The following ARHGEF28 variants were observed in gnomAD, a reference collection of about 807,000 sequenced individuals.
The protein encoded by ARHGEF28 is 190 kDa guanine nucleotide exchange factor.
Under a neutral mutation model 206.6 loss-of-function variants are expected in ARHGEF28, and 152 were observed. The observed-to-expected ratio is 0.74, with a 90% CI of 0.64 to 0.84. The LOEUF (loss-of-function observed/expected upper bound fraction) is 0.84. Among genes scored for constraint, ARHGEF28 ranks in the 40% least tolerant of loss-of-function variants. The pLI is 0.00. For missense variants in ARHGEF28, 2,028 were observed against 2,073.2 expected, an observed-to-expected ratio of 0.98 and a Z score of 0.42; for synonymous variants, 763 against 776.4, an observed-to-expected ratio of 0.98 and a Z score of 0.29.
In ARHGEF28 at chr5:73,806,218, C is replaced by T. The variant is rs115582513; in HGVS notation, c.1024+10827C>T. Among the ~76,000 whole-genome samples, 557 of 139,170 alleles carry T rather than the reference C, an allele frequency of 4.0e-3. 12 individuals carry two copies. Among genetic ancestry groups the T allele is most frequent in the African/African-American group, 0.014 (535 of 36,902 alleles). 91.3% of individuals were successfully genotyped at this position (139,170 alleles called of 152,430 possible). On this transcript the variant is annotated intron_variant, in intron 9 of 35. Coordinates refer to ENST00000513042, the MANE Select transcript of ARHGEF28 (RefSeq NM_001177693.2). ...GTATATATCGATATGTACTATATAT[C>T]GATATATAGTACATATCAATATATA...
chr5:73,866,586 G>A (rs989062448), intron 18 of ARHGEF28, among the ~76,000 whole-genome samples: 2 of 152,110 alleles, frequency 1.3e-5, no homozygotes, highest in Non-Finnish European at 2.9e-5. Flanking sequence ...AGCTCCTTTA[G>A]AATGACCGTG....
In ARHGEF28 at chr5:73,723,811, A is replaced by G. The variant is rs149615458; in HGVS notation, c.34-26026A>G. Among the ~76,000 whole-genome samples, 15 of 152,308 alleles carry G rather than the reference A, an allele frequency of 9.8e-5. No homozygotes were observed. The East Asian group carries it at 2.7e-3, about 27-fold the overall frequency. ...TTGAGCAAAATGAATTGGCCTTGTG[A>G]CTATTTATCCATGCATTAATTGGTC... On this transcript the variant is annotated intron_variant, in intron 2 of 35. Transcript: ENST00000513042.
At chr5:73,852,840 G>A in intron 14 of ARHGEF28, 148 bp downstream of exon 14, 2 of 830,104 alleles carry the variant, frequency 2.4e-6, no homozygotes, top group Non-Finnish European at 2.0e-6. Flanking sequence ...TCTGGGATCT[G>A]TATCAGGATA....
At chr5:73,744,660 T>C (rs915957263) in intron 2 of ARHGEF28, among the ~76,000 whole-genome samples, 5 of 152,014 alleles carry the variant, frequency 3.3e-5, no homozygotes, top group African/African-American at 7.2e-5. Context: ...TTAGTAAACA[T>C]TGATTATAAT....
chr5:73,710,122 A>T (rs1749155791), intron 2 of ARHGEF28, among the ~76,000 whole-genome samples: 2 of 152,228 alleles, frequency 1.3e-5, no homozygotes, highest in South Asian at 4.1e-4. Context: ...TTAATTTTAT[A>T]AAAAACTGCA....
At chr5:73,787,611 G>A (rs980421881) in intron 7 of ARHGEF28, among the ~76,000 whole-genome samples, 7 of 152,084 alleles carry the variant, frequency 4.6e-5, no homozygotes, top group Non-Finnish European at 7.4e-5. Flanking sequence ...TCCCACTTAC[G>A]AGTGAGAACT....
intron 1 of ARHGEF28, among the ~76,000 whole-genome samples, chr5:73,639,443 TA>T (rs1342301858): frequency 2.6e-5 from 4 of 151,738 alleles, no homozygotes; most frequent in South Asian, 2.1e-4. Flanking sequence ...TTTTGGCTAG[TA>T]AAAAAATGTG....
intron 1 of ARHGEF28, among the ~76,000 whole-genome samples, chr5:73,628,865 A>G (rs571518604): frequency 2.0e-5 from 3 of 152,308 alleles, no homozygotes; most frequent in Non-Finnish European, 2.9e-5. Flanking sequence ...ATTTTGCTCC[A>G]TTTGTATGAT....
chr5:73,864,372 A>AT (rs1188839276), intron 16 of ARHGEF28, among the ~76,000 whole-genome samples: 1 of 151,850 alleles, frequency 6.6e-6, no homozygotes, highest in Admixed American at 6.6e-5. Context: ...CTCACAATAC[A>AT]TTTTTTTCAG....
chr5:73,844,574 C>G (rs1468049773), intron 11 of ARHGEF28, among the ~76,000 whole-genome samples: 1 of 149,742 alleles, frequency 6.7e-6, no homozygotes, highest in Non-Finnish European at 1.5e-5. Context: ...TTTAAATAAC[C>G]TAAACAGGTT....
At chr5:73,839,775 C>T (rs1423778108) in intron 10 of ARHGEF28, among the ~76,000 whole-genome samples, 1 of 152,126 alleles carries the variant, frequency 6.6e-6, no homozygotes, top group African/African-American at 2.4e-5. Flanking sequence ...GAAATTTGGG[C>T]ATTTTCTTTC....
In ARHGEF28 at chr5:73,776,678, T is replaced by G; in HGVS notation, c.822T>G (p.Asp274Glu). The G allele has an allele frequency of 1.2e-6, 2 of 1,613,308 alleles. No individual in the cohort carries two copies. Among genetic ancestry groups the G allele is most frequent in the Non-Finnish European group, 1.7e-6 (2 of 1,179,464 alleles). Residue 274 changes from aspartate to glutamate, a missense_variant, in exon 6 of 36, where the codon GAT becomes GAG. Coordinates refer to ENST00000513042, the MANE Select transcript of ARHGEF28 (RefSeq NM_001177693.2). ...AACTCTTCCGGAAATACTTTTGGGA[T>G]AGAGCCTTTCTTGTCAAGGTTTGTA... The part of the protein sequence containing the change: ...DIKLFRKYFW[D>E]RAFLVKAFEP...
intron 4 of ARHGEF28, among the ~76,000 whole-genome samples, chr5:73,768,781 C>T (rs1349070357): frequency 6.6e-6 from 1 of 151,798 alleles, no homozygotes; most frequent in Non-Finnish European, 1.5e-5. Context: ...TTGGGAGGGG[C>T]CAGGGGAAGA....
intron 15 of ARHGEF28, 120 bp downstream of exon 15, chr5:73,857,899 C>G (rs1759150126): frequency 1.4e-6 from 2 of 1,396,130 alleles, no homozygotes; most frequent in Middle Eastern, 2.7e-4. Context: ...ACACATATTT[C>G]TTATGGAATA....
At chr5:73,860,165 T>C (rs1341866083) in intron 16 of ARHGEF28, among the ~76,000 whole-genome samples, 1 of 152,214 alleles carries the variant, frequency 6.6e-6, no homozygotes, top group African/African-American at 2.4e-5. Flanking sequence ...AAATTAGTTC[T>C]TGGGCACTTG....
chr5:73,762,203 C>A (rs990828182), intron 4 of ARHGEF28, among the ~76,000 whole-genome samples: 2 of 151,912 alleles, frequency 1.3e-5, no homozygotes, highest in African/African-American at 4.8e-5. Context: ...CACCTGTAAT[C>A]CCAGCACTTT....
At position 73,909,625 on chromosome 5, in the gene ARHGEF28, G is replaced by GAGC. The variant is rs1461225832; in HGVS notation, c.4385_4387dup (p.Gln1462dup). 1.3e-6 allele frequency: 2 copies of GAGC among 1,551,180 alleles called. No individual in the cohort carries two copies. Among genetic ancestry groups the GAGC allele is most frequent in the South Asian group, 2.4e-5 (2 of 84,232 alleles). ...GCAGCGGCGCTGGCTGCGCAGGTGT[G>GAGC]AGCAGCAGCAGCGGGCGCAGGCGAC... On this transcript the variant is annotated inframe_insertion, in exon 34 of 36. Transcript: ENST00000513042.
chr5:73,852,815 A>T, intron 14 of ARHGEF28, 123 bp downstream of exon 14: 1 of 1,027,080 alleles, frequency 9.7e-7, no homozygotes, highest in Non-Finnish European at 1.5e-6. Flanking sequence ...AGCCTGCCTA[A>T]GACCCTTTGC....
chr5:73,752,876 T>G, intron 3 of ARHGEF28, 33 bp from the exon 4 acceptor site: 1 of 1,611,732 alleles, frequency 6.2e-7, no homozygotes, highest in East Asian at 2.2e-5. Context: ...TCCTACAGAC[T>G]TGGGGTGAAC....
Sources: gnomAD v4.1 joint callset for allele counts (sites outside exome capture counted in the v4.1 genomes callset) on GRCh38, gnomAD v4.1.1 for gene constraint, MANE v1.5 for transcripts, NCBI Gene and HGNC (gene_info 2026-07-23, HGNC 2026-07-21) for gene names.